Variants in GRID2 observed in about 807,000 individuals in gnomAD.
GRID2 encodes glutamate ionotropic receptor delta type subunit 2.
GRID2 carries 33 observed loss-of-function variants against 114.8 expected under a neutral mutation model. The ratio of observed to expected loss-of-function variants is 0.29; its 90% CI spans 0.22 to 0.38. The LOEUF (loss-of-function observed/expected upper bound fraction) is 0.38, where lower values mean the gene tolerates loss of function less well. GRID2 is among the 10% of genes least tolerant of loss of function. GRID2 has a pLI of 1.00. For missense variants in GRID2, 1,184 were observed against 1,257.7 expected, an observed-to-expected ratio of 0.94 and a Z score of 0.89; for synonymous variants, 505 against 449.9, an observed-to-expected ratio of 1.12 and a Z score of -1.55.
chr4:93,337,527 C>T (rs1026447947), intron 8 of GRID2, among the ~76,000 whole-genome samples: 1 of 152,166 alleles, frequency 6.6e-6, no homozygotes, highest in Non-Finnish European at 1.5e-5. Context: ...GGAATGACTG[C>T]TCTTTGCTTC....
At chr4:92,998,701 A>T (rs1755354509) in intron 2 of GRID2, among the ~76,000 whole-genome samples, 2 of 151,414 alleles carry the variant, frequency 1.3e-5, no homozygotes, top group South Asian at 4.2e-4. Flanking sequence ...TTTTTTCAAG[A>T]GGGTCCATGA....
chr4:93,097,244 C>T (rs938338944), intron 3 of GRID2, among the ~76,000 whole-genome samples: 1 of 151,052 alleles, frequency 6.6e-6, no homozygotes, highest in African/African-American at 2.4e-5. Context: ...ATCTGTTAAG[C>T]ATTTAAGATC....
At chr4:93,511,578 T>C (rs1729186953) in intron 12 of GRID2, among the ~76,000 whole-genome samples, 1 of 152,154 alleles carries the variant, frequency 6.6e-6, no homozygotes. Flanking sequence ...CACTCATTTT[T>C]TTACTGTGTG....
chr4:92,628,857 T>C (rs1457211838), intron 2 of GRID2, among the ~76,000 whole-genome samples: 1 of 152,130 alleles, frequency 6.6e-6, no homozygotes, highest in African/African-American at 2.4e-5. Flanking sequence ...TCCTGTCGTC[T>C]CCAAATCACT....
chr4:93,157,376 T>A (rs925805457), intron 4 of GRID2, among the ~76,000 whole-genome samples: 6 of 151,860 alleles, frequency 4.0e-5, no homozygotes, highest in Admixed American at 2.6e-4. Flanking sequence ...TTTAATGTAG[T>A]TTTTAAAATA....
At chr4:93,571,746 T>C (rs1187613084) in intron 13 of GRID2, among the ~76,000 whole-genome samples, 1 of 152,098 alleles carries the variant, frequency 6.6e-6, no homozygotes, top group African/African-American at 2.4e-5. Context: ...TGCATAGTAA[T>C]GCATAGCTCA....
At chr4:93,258,617 T>A (rs1035738366) in intron 8 of GRID2, among the ~76,000 whole-genome samples, 4 of 151,824 alleles carry the variant, frequency 2.6e-5, no homozygotes, top group African/African-American at 7.2e-5. Context: ...TGCATTATGA[T>A]AAGATTTGAA....
Position 93,614,592 on chromosome 4 carries a change from G to A in GRID2, c.2194-11677G>A, listed in dbSNP as rs1049554226. Reference sequence around the variant, plus strand: ...GTATTATTTATTTTTATTACAAAATGCTATATAAACAACAGGACGAGTTAA... The same window carrying A: ...GTATTATTTATTTTTATTACAAAATACTATATAAACAACAGGACGAGTTAA... On this transcript the variant is annotated intron_variant, in intron 13 of 15. Coordinates refer to ENST00000282020, the MANE Select transcript of GRID2 (RefSeq NM_001510.4). Among the ~76,000 whole-genome samples, 5 of 152,020 alleles carry A rather than the reference G, an allele frequency of 3.3e-5. No homozygotes were observed. In the South Asian group the frequency reaches 1.0e-3, roughly 32 times the overall value.
chr4:92,349,358 A>G (rs958225445), intron 1 of GRID2, among the ~76,000 whole-genome samples: 2 of 151,916 alleles, frequency 1.3e-5, no homozygotes, highest in Non-Finnish European at 2.9e-5. Context: ...CACGTGATCA[A>G]TTGTCAAGTT....
chr4:93,238,615 G>T, intron 8 of GRID2, 125 bp downstream of exon 8: 1 of 651,014 alleles, frequency 1.5e-6, no homozygotes, highest in Non-Finnish European at 2.5e-6. Flanking sequence ...GAAAGCAGGG[G>T]GTGAGGGGAA....
At chr4:92,578,172 G>A (rs1184381098) in intron 1 of GRID2, among the ~76,000 whole-genome samples, 2 of 147,644 alleles carry the variant, frequency 1.4e-5, no homozygotes, top group Non-Finnish European at 3.0e-5. Context: ...CAACGTGCAG[G>A]TTAGTTACAT....
rs1240052968 is a variant in GRID2, at chr4:92,707,313, A to AT, written c.244+117029dup. Reference sequence around the variant, plus strand: ...ACATTTCTTTGGTAGAAATATATAGATTCTGAAAACACTCTTGACACATTC... The same window carrying AT: ...ACATTTCTTTGGTAGAAATATATAGATTTCTGAAAACACTCTTGACACATTC... On this transcript the variant is annotated intron_variant, in intron 2 of 15. Transcript: ENST00000282020. Among the ~76,000 whole-genome samples, 7 of 152,324 alleles carry AT rather than the reference A, an allele frequency of 4.6e-5. 1 individual carries two copies. In the South Asian group the frequency reaches 1.2e-3, roughly 27 times the overall value.
At chr4:93,025,875 C>A (rs557372214) in intron 2 of GRID2, among the ~76,000 whole-genome samples, 2 of 151,680 alleles carry the variant, frequency 1.3e-5, no homozygotes, top group Admixed American at 1.3e-4. Flanking sequence ...TACCTCCAAG[C>A]TTTCTAGAAT....
intron 2 of GRID2, among the ~76,000 whole-genome samples, chr4:92,748,988 CTATTTATT>C (rs894098243): frequency 1.3e-5 from 2 of 151,124 alleles, no homozygotes; most frequent in Middle Eastern, 3.4e-3. Flanking sequence ...TGTACCATTT[CTATTTATT>C]TATTTATTTA....
At chr4:93,566,830 T>C (rs1735471950) in intron 13 of GRID2, among the ~76,000 whole-genome samples, 1 of 151,964 alleles carries the variant, frequency 6.6e-6, no homozygotes, top group African/African-American at 2.4e-5. Context: ...AAAGAATGAA[T>C]TTTTTTATAT....
chr4:93,292,780 T>A (rs1480771594), intron 8 of GRID2, among the ~76,000 whole-genome samples: 2 of 152,346 alleles, frequency 1.3e-5, no homozygotes, highest in South Asian at 4.1e-4. Context: ...AAGTTTGGCT[T>A]GCAAGTTCAC....
chr4:92,471,431 T>C (rs539983529), intron 1 of GRID2, among the ~76,000 whole-genome samples: 120 of 152,160 alleles, frequency 7.9e-4, no homozygotes, highest in African/African-American at 2.8e-3. Context: ...GTCATTACAA[T>C]AGCAAAACTA....
Position 92,682,045 on chromosome 4 carries a change from T to C in GRID2, c.244+91759T>C, listed in dbSNP as rs148521302. On this transcript the variant is annotated intron_variant, in intron 2 of 15. Transcript: ENST00000282020. ...GAGAGTAAATAATTAATAAAGAAAA[T>C]CTTTGAGGCCATTGGAGGTAACGGA... Among the ~76,000 whole-genome samples, 1,210 of 151,190 alleles carry C rather than the reference T, an allele frequency of 8.0e-3. 18 individuals carry two copies. The highest frequency in any genetic ancestry group is 0.028 in the African/African-American group (1,164 of 41,178).
At chr4:93,093,233 G>A (rs998141805) in intron 3 of GRID2, among the ~76,000 whole-genome samples, 7 of 151,996 alleles carry the variant, frequency 4.6e-5, no homozygotes, top group Non-Finnish European at 7.4e-5. Context: ...CATAGATCAG[G>A]CTTTCGGTTT....
Sources: gnomAD v4.1 joint callset for allele counts (sites outside exome capture counted in the v4.1 genomes callset) on GRCh38, gnomAD v4.1.1 for gene constraint, MANE v1.5 for transcripts, NCBI Gene and HGNC (gene_info 2026-07-23, HGNC 2026-07-21) for gene names.